Variants in PBX4 observed in about 807,000 individuals in gnomAD.
PBX4 encodes the protein PBX homeobox 4.
PBX4 carries 26 observed loss-of-function variants against 35.1 expected under a neutral mutation model. The observed-to-expected ratio is 0.74, with a 90% CI of 0.54 to 1.03. PBX4 has a LOEUF of 1.03. Ranked by LOEUF, PBX4 falls within the 50% of genes least tolerant of loss-of-function variation. The pLI is 0.00. For synonymous variants in PBX4, 199 were observed against 204.2 expected (o/e 0.97, Z 0.22); for missense variants, 448 against 504.3 (o/e 0.89, Z 1.07).
intron 2 of PBX4, among the ~76,000 whole-genome samples, chr19:19,589,328 G>A (rs1275064811): frequency 3.3e-5 from 5 of 151,790 alleles, no homozygotes; most frequent in Admixed American, 6.6e-5. Context: ...CTCAGGAGGC[G>A]GAGGCAGGAG....
chr19:19,574,762 G>A (rs2061408680), intron 2 of PBX4, among the ~76,000 whole-genome samples: 1 of 151,858 alleles, frequency 6.6e-6, no homozygotes. Context: ...AGCCTCCCGA[G>A]TAGCTGGGAT....
At chr19:19,567,513 A>G (rs568470138) in intron 5 of PBX4, among the ~76,000 whole-genome samples, 22 of 152,168 alleles carry the variant, frequency 1.4e-4, no homozygotes, top group Admixed American at 1.4e-3. Context: ...GCTGTGGGTC[A>G]GCACCTGCCA....
chr19:19,574,735 A>G lies in PBX4; in HGVS notation c.194-3902T>C, dbSNP rs1253003678. 4.0e-5 allele frequency among the ~76,000 whole-genome samples: 6 copies of G among 151,874 alleles called. No homozygotes were observed. In the East Asian group the frequency reaches 9.7e-4, roughly 25 times the overall value. On this transcript the variant is annotated intron_variant, in intron 2 of 7. Coordinates refer to ENST00000251203, the MANE Select transcript of PBX4 (RefSeq NM_025245.3). ...CTGCAGCCTCCACCTTCTGGGTTCAAGCGATTCTCCTACCTCAGCCTCCCG... is the reference window on the plus strand; with the variant it reads ...CTGCAGCCTCCACCTTCTGGGTTCAGGCGATTCTCCTACCTCAGCCTCCCG...
At chr19:19,595,099 C>A (rs911007329) in intron 2 of PBX4, among the ~76,000 whole-genome samples, 3 of 152,164 alleles carry the variant, frequency 2.0e-5, no homozygotes, top group African/African-American at 7.2e-5. Context: ...CCGCTGTGGG[C>A]AGTGGGGAGC....
At chr19:19,567,253 C>T (rs528816789) in intron 5 of PBX4, among the ~76,000 whole-genome samples, 15 of 152,306 alleles carry the variant, frequency 9.8e-5, no homozygotes, top group South Asian at 4.1e-4. Context: ...GACCCAGAGG[C>T]GCAGCCCCTT....
chr19:19,610,882 A>G (rs1477124970), intron 1 of PBX4, among the ~76,000 whole-genome samples: 2 of 152,236 alleles, frequency 1.3e-5, no homozygotes, highest in Non-Finnish European at 1.5e-5. Flanking sequence ...CAAGGCACGA[A>G]GTCAACTGGC....
chr19:19,584,150 A>G (rs2061474030), intron 2 of PBX4, among the ~76,000 whole-genome samples: 2 of 152,162 alleles, frequency 1.3e-5, no homozygotes, highest in South Asian at 4.1e-4. Context: ...AGGCTCGAGA[A>G]CCGCTTGCAC....
chr19:19,582,935 C>A, intron 2 of PBX4, among the ~76,000 whole-genome samples: 1 of 152,236 alleles, frequency 6.6e-6, no homozygotes, highest in East Asian at 1.9e-4. Flanking sequence ...CGTCACACAC[C>A]CTGCAAGGGG....
chr19:19,581,872 G>T (rs952923945), intron 2 of PBX4, among the ~76,000 whole-genome samples: 2 of 152,176 alleles, frequency 1.3e-5, no homozygotes, highest in Non-Finnish European at 2.9e-5. Context: ...GTGAGAATAG[G>T]TGGGGGCTTC....
intron 2 of PBX4, among the ~76,000 whole-genome samples, chr19:19,585,461 T>C (rs1447715350): frequency 6.6e-6 from 1 of 152,152 alleles, no homozygotes; most frequent in African/African-American, 2.4e-5. Flanking sequence ...ACACTAGATA[T>C]TCACCCAACT....
At chr19:19,572,779 G>A (rs1006826664) in intron 2 of PBX4, among the ~76,000 whole-genome samples, 12 of 150,804 alleles carry the variant, frequency 8.0e-5, no homozygotes, top group Non-Finnish European at 4.4e-5. Context: ...GCTTGAACCC[G>A]GGAGACGGAG....
chr19:19,580,916 A>G (rs1451533109), intron 2 of PBX4, among the ~76,000 whole-genome samples: 1 of 152,174 alleles, frequency 6.6e-6, no homozygotes, highest in Non-Finnish European at 1.5e-5. Flanking sequence ...TATTTTTTGT[A>G]GAGACGAGGT....
chr19:19,571,430 T>C (rs926968481), intron 2 of PBX4, among the ~76,000 whole-genome samples: 2 of 152,078 alleles, frequency 1.3e-5, no homozygotes, highest in African/African-American at 4.8e-5. Flanking sequence ...AACAAGATAA[T>C]GGGCCCTACA....
Position 19,570,639 on chromosome 19 carries a change from T to TAAGC in PBX4, c.387_388insGCTT (p.Lys130AlafsTer2). 7 of 1,614,208 alleles carry TAAGC rather than the reference T, an allele frequency of 4.3e-6. No individual in the cohort carries two copies. The highest frequency in any genetic ancestry group is 5.9e-6 in the Non-Finnish European group (7 of 1,180,036). On this transcript the variant is annotated frameshift_variant, in exon 3 of 8. Coordinates refer to ENST00000251203, the MANE Select transcript of PBX4 (RefSeq NM_025245.3). LOFTEE classifies it high-confidence loss of function. ...TAAATCTGTCGGATCTGGGACAGCT[T>TAAGC]GGCCCTGTAGTCAGAGTGCTCAATG...
chr19:19,587,567 G>A (rs952605018), intron 2 of PBX4, among the ~76,000 whole-genome samples: 1 of 139,304 alleles, frequency 7.2e-6, no homozygotes, highest in African/African-American at 2.6e-5. Flanking sequence ...CAGCCTGGGT[G>A]ACAGAGCAAG....
chr19:19,569,994 T>C (rs914520729), intron 4 of PBX4, 115 bp downstream of exon 4: 4 of 1,106,230 alleles, frequency 3.6e-6, no homozygotes, highest in Non-Finnish European at 5.0e-6. Context: ...CTGTGAGGCC[T>C]CCAACCGTGA....
intron 1 of PBX4, among the ~76,000 whole-genome samples, chr19:19,610,961 G>A (rs1217032203): frequency 4.6e-5 from 7 of 152,144 alleles, no homozygotes. Context: ...TCCCAGGTTT[G>A]GACTGATAGA....
At chr19:19,609,408 G>T (rs1202160807) in intron 1 of PBX4, among the ~76,000 whole-genome samples, 1 of 152,006 alleles carries the variant, frequency 6.6e-6, no homozygotes, top group Non-Finnish European at 1.5e-5. Flanking sequence ...AATTAGCCAG[G>T]CGTGGTGGTG....
intron 5 of PBX4, among the ~76,000 whole-genome samples, chr19:19,568,131 G>A (rs1600395511): frequency 7.1e-6 from 1 of 140,748 alleles, no homozygotes; most frequent in Non-Finnish European, 1.5e-5. Context: ...CCCTCAGGGA[G>A]CTCACACTCC....
Sources: gnomAD v4.1 joint callset for allele counts (sites outside exome capture counted in the v4.1 genomes callset) on GRCh38, gnomAD v4.1.1 for gene constraint, MANE v1.5 for transcripts, NCBI Gene and HGNC (gene_info 2026-07-23, HGNC 2026-07-21) for gene names.